RASAL2: variants seen among roughly 807,000 people sequenced by gnomAD.
RASAL2 encodes RAS protein activator like 2, also known as ras GTPase-activating protein nGAP.
Under a neutral mutation model 128.9 loss-of-function variants are expected in RASAL2, and 58 were observed. That is an observed-to-expected ratio of 0.45 (90% CI 0.36 to 0.56). The LOEUF (loss-of-function observed/expected upper bound fraction) is 0.56. RASAL2 is among the 20% of genes least tolerant of loss of function. The pLI, the probability that RASAL2 is intolerant of heterozygous loss-of-function variation, is 0.00. For synonymous variants in RASAL2, 561 were observed against 580.8 expected, an observed-to-expected ratio of 0.97 and a Z score of 0.49; for missense variants, 1,360 against 1,601.6, an observed-to-expected ratio of 0.85 and a Z score of 2.57.
chr1:178,382,194 G>T (rs985238451), intron 3 of RASAL2, among the ~76,000 whole-genome samples: 2 of 152,026 alleles, frequency 1.3e-5, no homozygotes, highest in African/African-American at 2.4e-5. Flanking sequence ...TTGTTCAAGG[G>T]ATCAGTATTA....
At position 178,458,012 on chromosome 1, in the gene RASAL2, T is replaced by C; in HGVS notation, c.2720T>C (p.Leu907Pro). The change falls in exon 14 of 18, where the codon CTG becomes CCG. Residue 907 changes from leucine to proline, a missense_variant. Coordinates refer to ENST00000367649, the MANE Select transcript of RASAL2 (RefSeq NM_170692.4). ...PQSAPQVRRP[L>P]HPALNQPGGL... ...AGTGCACCCCAAGTGAGAAGGCCCC[T>C]GCACCCAGCCTTGAACCAGCCAGGT... 6.2e-7 allele frequency: 1 copy of C among 1,614,140 alleles called. No homozygotes were observed. The highest frequency in any genetic ancestry group is 1.1e-5 in the South Asian group (1 of 91,074).
intron 3 of RASAL2, among the ~76,000 whole-genome samples, chr1:178,375,261 G>T (rs906107842): frequency 3.3e-5 from 5 of 152,008 alleles, no homozygotes; most frequent in African/African-American, 9.7e-5. Context: ...TGAAAAGAAC[G>T]CAGAATTCAT....
chr1:178,289,829 A>G (rs1481790449), intron 2 of RASAL2, among the ~76,000 whole-genome samples: 1 of 152,188 alleles, frequency 6.6e-6, no homozygotes, highest in Non-Finnish European at 1.5e-5. Flanking sequence ...TACTGTCTTC[A>G]TCGTTATTTC....
At chr1:178,270,781 A>G (rs1049829918) in intron 1 of RASAL2, among the ~76,000 whole-genome samples, 1 of 152,102 alleles carries the variant, frequency 6.6e-6, no homozygotes, top group African/African-American at 2.4e-5. Flanking sequence ...TAAGGGCTTT[A>G]CTATAAGGTG....
At chr1:178,437,779 A>G (rs184286753) in intron 5 of RASAL2, among the ~76,000 whole-genome samples, 5 of 152,126 alleles carry the variant, frequency 3.3e-5, no homozygotes, top group Non-Finnish European at 4.4e-5. Context: ...TCTAACATTT[A>G]ATTATTTATA....
At chr1:178,250,864 T>G (rs954112759) in intron 1 of RASAL2, among the ~76,000 whole-genome samples, 1 of 152,192 alleles carries the variant, frequency 6.6e-6, no homozygotes, top group African/African-American at 2.4e-5. Flanking sequence ...TCGAATCAAA[T>G]GTACTTATTT....
chr1:178,438,891 G>C (rs911174409), intron 5 of RASAL2, among the ~76,000 whole-genome samples: 164 of 138,464 alleles, frequency 1.2e-3, no homozygotes, highest in African/African-American at 4.4e-3. Context: ...CTGTGTGTGT[G>C]TGTGTGTGTG....
chr1:178,236,909 GC>G (rs1459287126), intron 1 of RASAL2, among the ~76,000 whole-genome samples: 4 of 152,022 alleles, frequency 2.6e-5, no homozygotes, highest in Non-Finnish European at 5.9e-5. Context: ...GATTACGGGT[GC>G]ACAGCACCAA....
chr1:178,379,405 G>A (rs564297147), intron 3 of RASAL2, among the ~76,000 whole-genome samples: 10 of 151,786 alleles, frequency 6.6e-5, no homozygotes, highest in African/African-American at 1.9e-4. Flanking sequence ...GAAAGGAAGG[G>A]GAGGGGAGGG....
intron 1 of RASAL2, among the ~76,000 whole-genome samples, chr1:178,142,025 G>A (rs1375527097): frequency 1.3e-5 from 2 of 152,112 alleles, no homozygotes; most frequent in African/African-American, 4.8e-5. Flanking sequence ...GAGAGTGAAA[G>A]GGGGTAAGAG....
Position 178,202,270 on chromosome 1 carries a change from T to C in RASAL2, c.203-81294T>C, listed in dbSNP as rs185053079. On this transcript the variant is annotated intron_variant, in intron 1 of 17. Coordinates refer to ENST00000367649, the MANE Select transcript of RASAL2 (RefSeq NM_170692.4). The stretch of plus-strand genomic sequence containing the variant: ...GGCACAAGTAAGTTACATGAGGAAG[T>C]GGCTCAAACGCCCATGGTTTTCACT... Among the ~76,000 whole-genome samples the C allele has an allele frequency of 1.8e-3, 268 of 152,296 alleles. 5 individuals carry two copies. In the East Asian group the frequency reaches 0.02, roughly 12 times the overall value.
chr1:178,371,294 CTCT>C (rs1207841762), intron 3 of RASAL2, among the ~76,000 whole-genome samples: 1 of 149,636 alleles, frequency 6.7e-6, no homozygotes, highest in Non-Finnish European at 1.5e-5. Flanking sequence ...AAGCTTACTT[CTCT>C]TCTTTCAGAT....
At chr1:178,231,014 T>C (rs963554025) in intron 1 of RASAL2, among the ~76,000 whole-genome samples, 2 of 152,240 alleles carry the variant, frequency 1.3e-5, no homozygotes, top group Non-Finnish European at 2.9e-5. Flanking sequence ...AGTTAAACTC[T>C]GCCATTTTGC....
intron 3 of RASAL2, among the ~76,000 whole-genome samples, chr1:178,307,486 A>G (rs1668051899): frequency 6.6e-6 from 1 of 152,204 alleles, no homozygotes; most frequent in Non-Finnish European, 1.5e-5. Flanking sequence ...AGGAGGTAGT[A>G]GGGTTCTTTG....
chr1:178,454,345 TC>T, intron 11 of RASAL2, 101 bp from the exon 12 acceptor site: 1 of 919,900 alleles, frequency 1.1e-6, no homozygotes, highest in Non-Finnish European at 1.6e-6. Flanking sequence ...AGTCATTCCC[TC>T]CACAAAATAA....
At chr1:178,100,288 G>A (rs1211343235) in intron 1 of RASAL2, among the ~76,000 whole-genome samples, 1 of 151,938 alleles carries the variant, frequency 6.6e-6, no homozygotes, top group Admixed American at 6.6e-5. Flanking sequence ...GGCCAAGGTG[G>A]GCGGATCACC....
At chr1:178,170,033 A>G (rs982527615) in intron 1 of RASAL2, among the ~76,000 whole-genome samples, 4 of 151,894 alleles carry the variant, frequency 2.6e-5, no homozygotes, top group Non-Finnish European at 4.4e-5. Flanking sequence ...TATCCTCCCC[A>G]TTCTCATTTA....
At chr1:178,117,220 T>C (rs1489608719) in intron 1 of RASAL2, among the ~76,000 whole-genome samples, 1 of 149,322 alleles carries the variant, frequency 6.7e-6, no homozygotes, top group Non-Finnish European at 1.5e-5. Context: ...AATAAAGTAA[T>C]TGATACTGTT....
intron 1 of RASAL2, among the ~76,000 whole-genome samples, chr1:178,264,847 G>A (rs1665872464): frequency 6.6e-6 from 1 of 152,100 alleles, no homozygotes; most frequent in Non-Finnish European, 1.5e-5. Context: ...CTTCCATGGG[G>A]GTGTGGGTTA....
Sources: gnomAD v4.1 joint callset for allele counts (sites outside exome capture counted in the v4.1 genomes callset) on GRCh38, gnomAD v4.1.1 for gene constraint, MANE v1.5 for transcripts, NCBI Gene and HGNC (gene_info 2026-07-23, HGNC 2026-07-21) for gene names.